The following ZNF536 variants were observed in gnomAD, a reference collection of about 807,000 sequenced individuals.
ZNF536 encodes the protein zinc finger protein 536.
In ZNF536, 13 loss-of-function variants were observed where a neutral mutation model predicts 84.5. The observed-to-expected ratio is 0.15, with a 90% CI of 0.10 to 0.24. The LOEUF is 0.24. Among genes scored for constraint, ZNF536 ranks in the 10% least tolerant of loss-of-function variants. The probability of loss-of-function intolerance (pLI) is 1.00; values close to 1 mark genes in which losing one functional copy is unlikely to be tolerated. For missense variants in ZNF536, 1,536 were observed against 1,747.5 expected, an observed-to-expected ratio of 0.88 and a Z score of 2.16; for synonymous variants, 811 against 742.5, an observed-to-expected ratio of 1.09 and a Z score of -1.50.
chr19:30,377,095 T>C (rs941849433), intron 1 of ZNF536, among the ~76,000 whole-genome samples: 4 of 152,134 alleles, frequency 2.6e-5, no homozygotes, highest in African/African-American at 9.7e-5. Flanking sequence ...AGAGCCAACG[T>C]GGCCTGACAC....
At chr19:30,552,344 A>G (rs371823247) in intron 4 of ZNF536, among the ~76,000 whole-genome samples, 94 of 152,312 alleles carry the variant, frequency 6.2e-4, no homozygotes, top group South Asian at 4.6e-3. Context: ...TTGTCTGGTT[A>G]GTAGACCTAA....
intron 2 of ZNF536, among the ~76,000 whole-genome samples, chr19:30,451,585 C>T (rs2052610424): frequency 6.6e-6 from 1 of 152,206 alleles, no homozygotes; most frequent in South Asian, 2.1e-4. Context: ...AGGAGTGTAA[C>T]ATCAGAGATG....
At chr19:30,687,138 G>C (rs913670779) in intron 1 of ZNF536, among the ~76,000 whole-genome samples, 1 of 152,190 alleles carries the variant, frequency 6.6e-6, no homozygotes, top group Non-Finnish European at 1.5e-5. Flanking sequence ...CAGCCCGGCC[G>C]GGCAGACGCG....
At chr19:30,539,059 GAAAGA>G (rs931428941) in intron 3 of ZNF536, among the ~76,000 whole-genome samples, 6 of 150,082 alleles carry the variant, frequency 4.0e-5, no homozygotes, top group African/African-American at 9.8e-5. Flanking sequence ...GGAAAGAAAG[GAAAGA>G]AAAGAAAAGG....
At chr19:30,667,790 A>G (rs1408201842) in intron 1 of ZNF536, among the ~76,000 whole-genome samples, 1 of 152,062 alleles carries the variant, frequency 6.6e-6, no homozygotes, top group African/African-American at 2.4e-5. Context: ...CTAGATAACA[A>G]TAGCAGAGCA....
intron 1 of ZNF536, among the ~76,000 whole-genome samples, chr19:30,676,757 A>G (rs2050766963): frequency 6.6e-6 from 1 of 152,218 alleles, no homozygotes. Context: ...TATGAAAATG[A>G]TTTTAATATG....
In ZNF536 at chr19:30,444,874, T is replaced by C. The variant is rs1225011334; in HGVS notation, c.1312T>C (p.Phe438Leu). Residue 438 changes from phenylalanine to leucine, a missense_variant, in exon 2 of 5, where the codon TTC (phenylalanine) becomes CTC (leucine). Physicochemically the swap from Phe to Leu is conservative, Grantham distance 22 (BLOSUM62 0). Coordinates refer to ENST00000355537, the MANE Select transcript of ZNF536 (RefSeq NM_014717.3). ...SRYLSCLQSG[F>L]MTPDKAGLSE... is the part of the protein sequence containing the mutation. ...GTACCTCTCCTGCCTGCAGAGTGGC[T>C]TCATGACCCCGGACAAAGCCGGCCT... 1.9e-6 allele frequency: 3 copies of C among 1,612,920 alleles called. No individual in the cohort carries two copies. Among genetic ancestry groups the C allele is most frequent in the Non-Finnish European group, 2.5e-6 (3 of 1,179,706 alleles).
At chr19:30,375,284 C>T (rs569263380) in intron 1 of ZNF536, among the ~76,000 whole-genome samples, 48 of 150,604 alleles carry the variant, frequency 3.2e-4, no homozygotes, top group African/African-American at 1.1e-3. Flanking sequence ...CGCCCGGGCC[C>T]CGCGAGCGGC....
intron 1 of ZNF536, among the ~76,000 whole-genome samples, chr19:30,609,546 A>T (rs2048014639): frequency 6.6e-6 from 1 of 152,232 alleles, no homozygotes; most frequent in Non-Finnish European, 1.5e-5. Context: ...GGGCCCAAGA[A>T]GATGTGGTAA....
At chr19:30,302,140 C>T (rs1018370614) in intron 2 of ZNF536, among the ~76,000 whole-genome samples, 11 of 152,268 alleles carry the variant, frequency 7.2e-5, no homozygotes, top group African/African-American at 2.6e-4. Flanking sequence ...CAGAGAAAGT[C>T]GTTCTAAAAT....
chr19:30,254,092 T>A (rs925370313), intron 1 of ZNF536, among the ~76,000 whole-genome samples: 9 of 152,224 alleles, frequency 5.9e-5, no homozygotes, highest in Admixed American at 4.6e-4. Context: ...AGTTGCACTT[T>A]AGCCGGGCTG....
intron 1 of ZNF536, among the ~76,000 whole-genome samples, chr19:30,432,224 C>T (rs1252604618): frequency 3.9e-5 from 6 of 152,094 alleles, no homozygotes; most frequent in Non-Finnish European, 5.9e-5. Context: ...GGCTGAGTTG[C>T]CATTCCCAAA....
At chr19:30,636,460 T>C (rs2049068347) in intron 1 of ZNF536, among the ~76,000 whole-genome samples, 1 of 152,082 alleles carries the variant, frequency 6.6e-6, no homozygotes, top group Admixed American at 6.5e-5. Flanking sequence ...AATGATGATT[T>C]CCCATGTTCT....
intron 1 of ZNF536, among the ~76,000 whole-genome samples, chr19:30,662,874 C>T (rs796294002): frequency 8.0e-5 from 12 of 150,250 alleles, no homozygotes; most frequent in African/African-American, 2.7e-4. Context: ...AACAACTCAA[C>T]GAGGATGATG....
chr19:30,435,630 G>A (rs1319331708), intron 1 of ZNF536, among the ~76,000 whole-genome samples: 1 of 152,074 alleles, frequency 6.6e-6, no homozygotes, highest in Non-Finnish European at 1.5e-5. Flanking sequence ...TGCTGCTGAG[G>A]GTTGTTGCTT....
chr19:30,424,277 G>C (rs539866583), intron 1 of ZNF536, among the ~76,000 whole-genome samples: 1 of 152,250 alleles, frequency 6.6e-6, no homozygotes, highest in African/African-American at 2.4e-5. Context: ...GCACTAGGTG[G>C]GTGCCTGGTC....
At chr19:30,427,628 A>G (rs2051273244) in intron 1 of ZNF536, among the ~76,000 whole-genome samples, 1 of 152,046 alleles carries the variant, frequency 6.6e-6, no homozygotes, top group Non-Finnish European at 1.5e-5. Flanking sequence ...GTCATGTAGA[A>G]AGCACACACC....
At chr19:30,242,132 C>T (rs927452474) in intron 1 of ZNF536, among the ~76,000 whole-genome samples, 8 of 152,054 alleles carry the variant, frequency 5.3e-5, no homozygotes, top group East Asian at 1.9e-4. Context: ...CCTCTCCTGC[C>T]GTCCAAAGTC....
intron 1 of ZNF536, among the ~76,000 whole-genome samples, chr19:30,396,006 A>C (rs899134607): frequency 1.3e-5 from 2 of 152,172 alleles, no homozygotes; most frequent in African/African-American, 4.8e-5. Flanking sequence ...CCATGTTTAC[A>C]TTAGGGTGCA....
Sources: gnomAD v4.1 joint callset for allele counts (sites outside exome capture counted in the v4.1 genomes callset) on GRCh38, gnomAD v4.1.1 for gene constraint, MANE v1.5 for transcripts, NCBI Gene and HGNC (gene_info 2026-07-23, HGNC 2026-07-21) for gene names.